Variants in MCOLN2 observed in about 807,000 individuals in gnomAD.
MCOLN2 encodes mucolipin-2.
A neutral mutation model predicts 67.5 loss-of-function variants in MCOLN2; 57 were observed. The ratio of observed to expected loss-of-function variants is 0.84; its 90% CI spans 0.68 to 1.05. The LOEUF (loss-of-function observed/expected upper bound fraction) is 1.05, where lower values mean the gene tolerates loss of function less well. Ranked by LOEUF, MCOLN2 falls within the 50% of genes least tolerant of loss-of-function variation. The probability of loss-of-function intolerance (pLI) is 0.00; values close to 1 mark genes in which losing one functional copy is unlikely to be tolerated. For missense variants in MCOLN2, 620 were observed against 678.8 expected (o/e 0.91, Z 0.96); for synonymous variants, 246 against 233.3 (o/e 1.05, Z -0.50).
In MCOLN2 at chr1:84,956,481, G is replaced by T. The variant is rs780840745; in HGVS notation, c.515C>A (p.Thr172Asn). ...KVCKQHYKKG[T>N]MFPSNETLNI... ...CAGTGTCTCATTAGAAGGAAACATGGTCCCTTTCTTGTAATGCTGCTTACA... is the reference window on the plus strand; with the variant it reads ...CAGTGTCTCATTAGAAGGAAACATGTTCCCTTTCTTGTAATGCTGCTTACA... The change falls in exon 4 of 14, where the codon ACC (threonine) becomes AAC (asparagine). Residue 172 changes from threonine to asparagine, a missense_variant. Coordinates refer to ENST00000370608, the MANE Select transcript of MCOLN2 (RefSeq NM_153259.4). 1.7e-5 allele frequency: 27 copies of T among 1,611,092 alleles called. No individual in the cohort carries two copies. The highest frequency in any genetic ancestry group is 1.6e-4 in the Middle Eastern group (1 of 6,074).
chr1:84,932,029 AACACACACAC>A (rs55925234), intron 11 of MCOLN2, among the ~76,000 whole-genome samples: 3 of 148,530 alleles, frequency 2.0e-5, no homozygotes, highest in Non-Finnish European at 4.5e-5. Context: ...GTCTCTTTAA[AACACACACAC>A]ACACACACAC....
chr1:84,939,132 C>G (rs1476842919), intron 9 of MCOLN2, among the ~76,000 whole-genome samples: 1 of 152,098 alleles, frequency 6.6e-6, no homozygotes, highest in Non-Finnish European at 1.5e-5. Flanking sequence ...ATCAAATCAA[C>G]TAAGTTATAC....
rs1378252235 is a variant in MCOLN2 at position 84,996,923 on chromosome 1, A to T, written c.-51T>A. The stretch of plus-strand genomic sequence containing the variant: ...GCTCTCGGGATTCGGAACAGGAAAC[A>T]CCGTTCACGGCCGACTCATTTCGCC... On this transcript the variant is annotated 5_prime_UTR_variant, in exon 1 of 14. Coordinates refer to ENST00000370608, the MANE Select transcript of MCOLN2 (RefSeq NM_153259.4). The T allele has an allele frequency of 1.3e-6, 2 of 1,515,210 alleles. No individual in the cohort carries two copies. The highest frequency in any genetic ancestry group is 1.8e-6 in the Non-Finnish European group (2 of 1,091,102). 93.9% of individuals were successfully genotyped at this position (1,515,210 alleles called of 1,614,324 possible). A position where few individuals can be genotyped will look rare whatever the true frequency, so the allele number is the denominator to read the frequency against.
intron 8 of MCOLN2, 37 bp downstream of exon 8, chr1:84,940,842 C>T (rs1302173132): frequency 2.7e-6 from 4 of 1,467,190 alleles, no homozygotes; most frequent in Middle Eastern, 1.7e-4. Flanking sequence ...AGGGCGCAGG[C>T]CAAGAGGGCA....
chr1:84,978,850 T>C (rs1650119055), intron 1 of MCOLN2, among the ~76,000 whole-genome samples: 1 of 152,012 alleles, frequency 6.6e-6, no homozygotes, highest in Non-Finnish European at 1.5e-5. Context: ...ATAATACATA[T>C]ATTAAGTATT....
Position 84,997,040 on chromosome 1 carries a change from C to T in MCOLN2, c.-168G>A. 1 of 626,638 alleles carries T rather than the reference C, an allele frequency of 1.6e-6. No individual in the cohort carries two copies. Among genetic ancestry groups the T allele is most frequent in the South Asian group, 2.0e-5 (1 of 50,824 alleles). 38.8% of individuals were successfully genotyped at this position (626,638 alleles called of 1,614,324 possible). A position where few individuals can be genotyped will look rare whatever the true frequency, so the allele number is the denominator to read the frequency against. On this transcript the variant is annotated 5_prime_UTR_variant, in exon 1 of 14. Coordinates refer to ENST00000370608, the MANE Select transcript of MCOLN2 (RefSeq NM_153259.4). ...GCCGGCCGCGTGGTGCGCGCAGACC[C>T]CGGCCCGAGAGCAGGCGCCGCAGTC...
chr1:84,991,639 C>T (rs1254444132), intron 1 of MCOLN2, among the ~76,000 whole-genome samples: 1 of 152,156 alleles, frequency 6.6e-6, no homozygotes, highest in African/African-American at 2.4e-5. Context: ...CCATTAGAGC[C>T]ACTCATGAAA....
intron 1 of MCOLN2, among the ~76,000 whole-genome samples, chr1:84,969,603 A>G (rs1649562304): frequency 6.6e-6 from 1 of 151,918 alleles, no homozygotes; most frequent in African/African-American, 2.4e-5. Flanking sequence ...TGAAAAAGCA[A>G]TCACCACAAT....
At chr1:84,956,820 G>C (rs963694432) in intron 3 of MCOLN2, among the ~76,000 whole-genome samples, 1 of 152,130 alleles carries the variant, frequency 6.6e-6, no homozygotes, top group Non-Finnish European at 1.5e-5. Flanking sequence ...CTCAGCCAAA[G>C]CCAAGGTCCT....
chr1:84,928,046 G>C (rs1347574298), intron 13 of MCOLN2, among the ~76,000 whole-genome samples: 2 of 152,162 alleles, frequency 1.3e-5, no homozygotes, highest in African/African-American at 4.8e-5. Flanking sequence ...CATTCACTCT[G>C]CAGGGTCCAT....
At chr1:84,973,294 T>C (rs1047048193) in intron 1 of MCOLN2, among the ~76,000 whole-genome samples, 2 of 151,972 alleles carry the variant, frequency 1.3e-5, no homozygotes, top group Admixed American at 6.6e-5. Context: ...CTGGACAATA[T>C]AGTGAGACTC....
Position 84,937,756 on chromosome 1 carries a change from T to C in MCOLN2, c.1334A>G (p.Lys445Arg). 2 of 1,614,160 alleles carry C rather than the reference T, an allele frequency of 1.2e-6. No individual in the cohort carries two copies. Among genetic ancestry groups the C allele is most frequent in the African/African-American group, 1.3e-5 (1 of 75,066 alleles). The change falls in exon 11 of 14, where the codon AAG (lysine) becomes AGG (arginine). Residue 445 changes from lysine to arginine, a missense_variant and splice_region_variant. Lys to Arg is a conservative substitution (Grantham distance 26, BLOSUM62 2). Coordinates refer to ENST00000370608, the MANE Select transcript of MCOLN2 (RefSeq NM_153259.4). ...GWIVLGPYHDKFENLNTVAEC... is the reference protein window; with the variant it reads ...GWIVLGPYHDRFENLNTVAEC... The stretch of plus-strand genomic sequence containing the variant: ...GAAGGAAGAATGTGAGCTACACACC[T>C]TGTCATGGTATGGTCCTAAGACAAT...
At chr1:84,928,644 A>G (rs1661268553) in intron 13 of MCOLN2, among the ~76,000 whole-genome samples, 1 of 152,216 alleles carries the variant, frequency 6.6e-6, no homozygotes, top group African/African-American at 2.4e-5. Context: ...AATTTCCTTT[A>G]TCCCAGCTTT....
At chr1:84,937,726 C>T in intron 11 of MCOLN2, 29 bp downstream of exon 11, 4 of 1,612,518 alleles carry the variant, frequency 2.5e-6, no homozygotes, top group Non-Finnish European at 2.5e-6. Flanking sequence ...CGTGCCCCAT[C>T]TGCAGAAGGA....
Position 84,947,046 on chromosome 1 carries a change from G to A in MCOLN2, c.834C>T (p.Asn278=), listed in dbSNP as rs768151411. The A allele has an allele frequency of 1.6e-5, 24 of 1,540,906 alleles. No individual in the cohort carries two copies. The highest frequency in any genetic ancestry group is 9.0e-5 in the East Asian group (4 of 44,560). Residue 278 remains asparagine, a synonymous_variant, in exon 7 of 14, where the codon AAC becomes AAT. Coordinates refer to ENST00000370608, the MANE Select transcript of MCOLN2 (RefSeq NM_153259.4). ...TAGCATACTTACTAGATCCAAATAT[G>A]TTCAAGTCTTTACATTCTTCAATTT... ...DAKIEECKDL[N]IFGSTQKNAQ...
chr1:84,955,010 T>C (rs2102840790), intron 4 of MCOLN2, among the ~76,000 whole-genome samples: 1 of 152,292 alleles, frequency 6.6e-6, no homozygotes, highest in South Asian at 2.1e-4. Flanking sequence ...CCCCACATGT[T>C]GTGAGAGGGA....
chr1:84,979,290 A>AAAATAGAAG (rs1650138963), intron 1 of MCOLN2, among the ~76,000 whole-genome samples: 1 of 152,204 alleles, frequency 6.6e-6, no homozygotes, highest in African/African-American at 2.4e-5. Flanking sequence ...ACTTTTCTGA[A>AAAATAGAAG]AAATAGAAGA....
At chr1:84,992,374 C>T (rs7536635) in intron 1 of MCOLN2, among the ~76,000 whole-genome samples, 2,076 of 152,262 alleles carry the variant, frequency 0.014, 51 homozygotes, top group African/African-American at 0.048. Flanking sequence ...ACAACATTCG[C>T]TGGACACAGT....
intron 7 of MCOLN2, 33 bp downstream of exon 7, chr1:84,947,000 T>A: frequency 1.0e-6 from 1 of 1,003,468 alleles, no homozygotes. Context: ...AAATCATCTA[T>A]AATTCCCATG....
Sources: allele counts gnomAD v4.1 joint callset (sites outside exome capture counted in the v4.1 genomes callset), GRCh38; gene constraint gnomAD v4.1.1; transcripts MANE v1.5; gene names NCBI Gene and HGNC (gene_info 2026-07-23, HGNC 2026-07-21).